MINDY1: variants seen among roughly 807,000 people sequenced by gnomAD.
MINDY1 encodes the protein MINDY lysine 48 deubiquitinase 1, also known as ubiquitin carboxyl-terminal hydrolase MINDY-1.
In MINDY1, 50 loss-of-function variants were observed where a neutral mutation model predicts 53.6. The ratio of observed to expected loss-of-function variants is 0.93; its 90% CI spans 0.74 to 1.18. MINDY1 has a LOEUF of 1.18. Among genes scored for constraint, MINDY1 ranks in the 50% most tolerant of loss-of-function variants. MINDY1 has a pLI of 0.00. For synonymous variants in MINDY1, 231 were observed against 234.7 expected, an observed-to-expected ratio of 0.98 and a Z score of 0.14; for missense variants, 484 against 578.6, an observed-to-expected ratio of 0.84 and a Z score of 1.68.
Position 151,002,241 on chromosome 1 carries a change from G to A in MINDY1, c.377C>T (p.Thr126Ile). The change falls in exon 2 of 10, where the codon ACA becomes ATA. Residue 126 changes from threonine (T) to isoleucine (I), a missense_variant. By Grantham distance (89) the Thr-to-Ile change is moderately conservative. Transcript: ENST00000683666. The surrounding 1 kb of genome is among the most constrained non-coding windows in gnomAD (Gnocchi z 4.1). ...VKWIPWKGEQ[T>I]PIITQSTNGP... ...GTTAGTGCTCTGGGTGATGATGGGT[G>A]TCTGTTCTCCTTTCCAAGGGATCCA... 1 of 1,614,208 alleles carries A rather than the reference G, an allele frequency of 6.2e-7. No individual in the cohort carries two copies. The highest frequency in any genetic ancestry group is 8.5e-7 in the Non-Finnish European group (1 of 1,180,028).
intron 1 of MINDY1, chr1:151,005,960 C>A (rs1320312170): frequency 3.6e-6 from 4 of 1,117,426 alleles, no homozygotes; most frequent in Non-Finnish European, 4.9e-6. Flanking sequence ...AGAAGACACT[C>A]CTTCTCTGTA....
At chr1:151,000,144 C>T (rs923112651) in intron 5 of MINDY1, among the ~76,000 whole-genome samples, 180 bp from the exon 6 acceptor site, 5 of 151,644 alleles carry the variant, frequency 3.3e-5, no homozygotes, top group African/African-American at 1.2e-4. Flanking sequence ...CATAGGGTTG[C>T]TATGTTGCCC....
Position 150,999,297 on chromosome 1 carries a change from C to T in MINDY1, c.981+72G>A, listed in dbSNP as rs1294673863. The T allele has an allele frequency of 1.3e-5, 20 of 1,594,636 alleles. No homozygotes were observed. The highest frequency in any genetic ancestry group is 1.6e-5 in the Non-Finnish European group (19 of 1,167,490). ...TACCACGGCTTAATCTAGCTGATCC[C>T]AGCTGGACCCACGAGAAAAAGGCAC... On this transcript the variant is annotated intron_variant, in intron 7 of 9. Coordinates refer to ENST00000683666, the MANE Select transcript of MINDY1 (RefSeq NM_001376665.1). The surrounding 1 kb of genome is among the most constrained non-coding windows in gnomAD (Gnocchi z 4.4).
chr1:150,999,938 C>T lies in MINDY1; in HGVS notation c.762G>A (p.Gly254=), dbSNP rs1248072917. The change falls in exon 6 of 10, where the codon GGG becomes GGA. Residue 254 remains glycine (G), a synonymous_variant. Transcript: ENST00000683666. This position sits in a 1 kb window ranked among gnomAD's most constrained non-coding sequence, Gnocchi z 4.4. ...CCACCAGCTGGTTGTAACTCAGTTT[C>T]CCAACTGCACGCACAGCCTCAGGAC... ...PQSPEAVRAV[G]KLSYNQLVER... 6 of 1,614,024 alleles carry T rather than the reference C, an allele frequency of 3.7e-6. No homozygotes were observed. The Admixed American group carries it at 8.3e-5, about 22-fold the overall frequency.
intron 3 of MINDY1, 111 bp downstream of exon 3, chr1:151,001,614 C>T (rs1672581135): frequency 5.2e-6 from 7 of 1,342,294 alleles, no homozygotes; most frequent in Non-Finnish European, 1.0e-6. Flanking sequence ...CCTTACCCTC[C>T]CTGCTGTATC....
intron 1 of MINDY1, among the ~76,000 whole-genome samples, chr1:151,005,233 C>T (rs917532960): frequency 2.6e-5 from 4 of 151,958 alleles, no homozygotes; most frequent in Non-Finnish European, 2.9e-5. Flanking sequence ...GGGCGGATCA[C>T]CTGAGGTCAG....
chr1:151,002,741 G>A lies in MINDY1; in HGVS notation c.-89-35C>T, dbSNP rs1409559746. ...AAGAAGGAAATCAGTGGGCTGGAAA[G>A]CAAACTAACCCAGAAAAGTCTTGGA... On this transcript the variant is annotated intron_variant, in intron 1 of 9. Coordinates refer to ENST00000683666, the MANE Select transcript of MINDY1 (RefSeq NM_001376665.1). This position sits in a 1 kb window ranked among gnomAD's most constrained non-coding sequence, Gnocchi z 4.1. 11 of 1,527,854 alleles carry A rather than the reference G, an allele frequency of 7.2e-6. No individual in the cohort carries two copies. The highest frequency in any genetic ancestry group is 1.4e-5 in the African/African-American group (1 of 72,152). The allele number at this position is 1,527,854 out of a possible 1,614,324, so 94.6% of individuals were successfully genotyped here. A position where few individuals can be genotyped will look rare whatever the true frequency, so the allele number is the denominator to read the frequency against.
chr1:151,005,442 G>A (rs1187386842), intron 1 of MINDY1, among the ~76,000 whole-genome samples: 1 of 136,466 alleles, frequency 7.3e-6, no homozygotes, highest in Non-Finnish European at 1.5e-5. Flanking sequence ...ACAAGAGTGA[G>A]ACTCTTGCCT....
In MINDY1 at chr1:151,002,278, A is replaced by G; in HGVS notation, c.340T>C (p.Tyr114His). ...TTCCAAGGGATCCACTTGACACAGT[A>G]GAAATCTGGCTCAGGCTGTCGGGTC... is the stretch of plus-strand genomic sequence containing the variant. ...PRTRQPEPDF[Y>H]CVKWIPWKGE... The change falls in exon 2 of 10, where the codon TAC becomes CAC. Residue 114 changes from tyrosine to histidine, a missense_variant. Transcript: ENST00000683666. The surrounding 1 kb of genome is among the most constrained non-coding windows in gnomAD (Gnocchi z 4.1). 1.2e-6 allele frequency: 2 copies of G among 1,614,234 alleles called. No individual in the cohort carries two copies. Among genetic ancestry groups the G allele is most frequent in the Non-Finnish European group, 1.7e-6 (2 of 1,180,044 alleles).
Position 151,002,185 on chromosome 1 carries a change from T to C in MINDY1, c.433A>G (p.Ile145Val), listed in dbSNP as rs760353041. ...CTTACCTTCCACTGAAGAAAGAGGA[T>C]GTTCATGATGGCAAGGAGAGGGCAA... The part of the protein sequence containing the change: ...GPCPLLAIMN[I>V]LFLQWKVKLP... Residue 145 changes from isoleucine to valine, a missense_variant, in exon 2 of 10, where the codon ATC (isoleucine) becomes GTC (valine). Coordinates refer to ENST00000683666, the MANE Select transcript of MINDY1 (RefSeq NM_001376665.1). This position sits in a 1 kb window ranked among gnomAD's most constrained non-coding sequence, Gnocchi z 4.1. 2.5e-6 allele frequency: 4 copies of C among 1,609,696 alleles called. No individual in the cohort carries two copies. The highest frequency in any genetic ancestry group is 2.2e-5 in the South Asian group (2 of 90,716).
intron 1 of MINDY1, 112 bp downstream of exon 1, chr1:151,006,200 G>A: frequency 6.5e-7 from 1 of 1,549,082 alleles, no homozygotes; most frequent in Non-Finnish European, 8.7e-7. Flanking sequence ...AAGCAATCCA[G>A]ACTTGCAGAC....
chr1:151,004,718 G>A (rs1432675720), intron 1 of MINDY1, among the ~76,000 whole-genome samples: 1 of 150,316 alleles, frequency 6.7e-6, no homozygotes, highest in Non-Finnish European at 1.5e-5. Context: ...GTGACAGAGC[G>A]AAACTCCATC....
chr1:151,001,582 C>T (rs1452202829), intron 3 of MINDY1, 143 bp downstream of exon 3: 11 of 1,069,386 alleles, frequency 1.0e-5, no homozygotes, highest in Non-Finnish European at 1.5e-5. Flanking sequence ...ATTCTCCAGC[C>T]TTGCAGAGAA....
chr1:151,002,174 A>C lies in MINDY1; in HGVS notation c.444T>G (p.Leu148=). The C allele has an allele frequency of 6.2e-7, 1 of 1,606,410 alleles. No individual in the cohort carries two copies. The highest frequency in any genetic ancestry group is 8.5e-7 in the Non-Finnish European group (1 of 1,175,684). Residue 148 remains leucine, a synonymous_variant, in exon 2 of 10, where the codon CTT becomes CTG. Transcript: ENST00000683666. This position sits in a 1 kb window ranked among gnomAD's most constrained non-coding sequence, Gnocchi z 4.1. Reference sequence around the variant, plus strand: ...CTGCATGTTCTCTTACCTTCCACTGAAGAAAGAGGATGTTCATGATGGCAA... The same window carrying C: ...CTGCATGTTCTCTTACCTTCCACTGCAGAAAGAGGATGTTCATGATGGCAA... ...PLLAIMNILF[L]QWKVKLPPQK...
Position 151,000,569 on chromosome 1 carries a change from AGACCTGT to A in MINDY1, c.616_622del (p.Thr206TrpfsTer25), listed in dbSNP as rs1361247953. 5 of 1,614,028 alleles carry A rather than the reference AGACCTGT, an allele frequency of 3.1e-6. No homozygotes were observed. In the East Asian group the frequency reaches 1.1e-4, roughly 36 times the overall value. On this transcript the variant is annotated frameshift_variant, in exon 5 of 10. Transcript: ENST00000683666. LOFTEE classifies it high-confidence loss of function. ...GCCTGTGAATCGCACATTGACATCC[AGACCTGT>A]GGCCAGTTTAGGCAGCACTGTCATT...
intron 1 of MINDY1, among the ~76,000 whole-genome samples, chr1:151,005,436 G>A (rs1673076836): frequency 6.9e-6 from 1 of 145,134 alleles, no homozygotes; most frequent in South Asian, 2.2e-4. Context: ...TGGGTGACAA[G>A]AGTGAGACTC....
At chr1:151,001,555 C>T (rs182019218) in intron 3 of MINDY1, among the ~76,000 whole-genome samples, 170 bp downstream of exon 3, 54 of 152,340 alleles carry the variant, frequency 3.5e-4, no homozygotes, top group Middle Eastern at 3.4e-3. Context: ...CCAGGACTCC[C>T]GACGCCTTTG....
At position 150,997,231 on chromosome 1, in the gene MINDY1, C is replaced by T; in HGVS notation, c.*56G>A. 6.5e-7 allele frequency: 1 copy of T among 1,531,102 alleles called. No homozygotes were observed. The highest frequency in any genetic ancestry group is 8.9e-7 in the Non-Finnish European group (1 of 1,127,940). 94.8% of individuals were successfully genotyped at this position (1,531,102 alleles called of 1,614,324 possible). A position where few individuals can be genotyped will look rare whatever the true frequency, so the allele number is the denominator to read the frequency against. ...TCAGGGGTGGAGGCGGGGGAGCAAG[C>T]CAACTAGCCATAGCCTCTGGAAGAA... On this transcript the variant is annotated 3_prime_UTR_variant, in exon 10 of 10. Transcript: ENST00000683666.
intron 1 of MINDY1, among the ~76,000 whole-genome samples, chr1:151,004,662 A>G (rs924884942): frequency 2.6e-5 from 4 of 151,790 alleles, no homozygotes; most frequent in Non-Finnish European, 5.9e-5. Flanking sequence ...CCTGGGAGGC[A>G]GGGGGTTGCA....
Sources: gnomAD v4.1 joint callset for allele counts (sites outside exome capture counted in the v4.1 genomes callset) on GRCh38, gnomAD v4.1.1 for gene constraint, Gnocchi (gnomAD v3.1) non-coding constraint, MANE v1.5 for transcripts, NCBI Gene and HGNC (gene_info 2026-07-23, HGNC 2026-07-21) for gene names.